Variants in SIN3A observed in about 807,000 individuals in gnomAD.
SIN3A encodes SIN3 transcription regulator family member A.
In SIN3A, 14 loss-of-function variants were observed where a neutral mutation model predicts 146.1. That is an observed-to-expected ratio of 0.10 (90% CI 0.06 to 0.15). The LOEUF is 0.15. SIN3A is among the 10% of genes least tolerant of loss of function. The probability of loss-of-function intolerance (pLI) is 1.00; values close to 1 mark genes in which losing one functional copy is unlikely to be tolerated. For missense variants in SIN3A, 1,028 were observed against 1,576.0 expected (o/e 0.65, Z 5.89); for synonymous variants, 572 against 572.0 (o/e 1.00, Z 0.00).
At chr15:75,389,949 C>T in intron 15 of SIN3A, 128 bp from the exon 16 acceptor site, 1 of 789,670 alleles carries the variant, frequency 1.3e-6, no homozygotes, top group Admixed American at 2.4e-5. Context: ...TCAAAATATA[C>T]TCACTCATTC....
upstream of SIN3A, among the ~76,000 whole-genome samples, chr15:75,454,465 G>C (rs2074458651): frequency 1.3e-5 from 2 of 151,310 alleles, no homozygotes; most frequent in Middle Eastern, 3.4e-3. Context: ...CCCCTGCGCC[G>C]CCTCTCCCGG....
chr15:75,382,908 C>A (rs2073001439), intron 17 of SIN3A, among the ~76,000 whole-genome samples: 1 of 152,128 alleles, frequency 6.6e-6, no homozygotes, highest in Non-Finnish European at 1.5e-5. Context: ...CATGGTGAAA[C>A]CCTGTCTCTA....
chr15:75,385,313 T>G (rs1258887577), intron 16 of SIN3A, among the ~76,000 whole-genome samples: 3 of 152,198 alleles, frequency 2.0e-5, no homozygotes, highest in Non-Finnish European at 2.9e-5. Context: ...GGACTAAAAG[T>G]CAAGGTTCCT....
chr15:75,437,404 C>T (rs747601435), intron 1 of SIN3A, among the ~76,000 whole-genome samples: 1 of 152,098 alleles, frequency 6.6e-6, no homozygotes, highest in Non-Finnish European at 1.5e-5. Flanking sequence ...TGGCCTCAAA[C>T]AATCCTCCTG....
At chr15:75,379,558 G>T (rs2072927105) in intron 19 of SIN3A, among the ~76,000 whole-genome samples, 1 of 152,228 alleles carries the variant, frequency 6.6e-6, no homozygotes, top group Non-Finnish European at 1.5e-5. Context: ...CTGTTTTGTT[G>T]AGAGGAACCT....
rs775133635 is a variant in SIN3A, at chr15:75,411,747, G to C, written c.757-4C>G. On this transcript the variant is annotated splice_region_variant and splice_polypyrimidine_tract_variant and intron_variant, in intron 5 of 20. Transcript: ENST00000394947. ...TATGTGCTTGCAGTTGGGAGGGCTA[G>C]AAAGAAAAGAAATCTTTATTCTCTT... 23 of 1,573,500 alleles carry C rather than the reference G, an allele frequency of 1.5e-5. No individual in the cohort carries two copies. The Admixed American group carries it at 2.3e-4, about 15-fold the overall frequency.
rs749375306 is a variant in SIN3A at position 75,372,220 on chromosome 15, GA to G, written c.3592-12del. On this transcript the variant is annotated splice_polypyrimidine_tract_variant and intron_variant, in intron 20 of 20. Coordinates refer to ENST00000394947, the MANE Select transcript of SIN3A (RefSeq NM_001145358.2). ...TACACGCTCATGGGACTGCAAAACAGAAAAAAAAAATTTTATTAAATGAAGC... is the reference window on the plus strand; with the variant it reads ...TACACGCTCATGGGACTGCAAAACAGAAAAAAAAATTTTATTAAATGAAGC... The G allele has an allele frequency of 3.5e-5, 52 of 1,503,170 alleles. No individual in the cohort carries two copies. The highest frequency in any genetic ancestry group is 1.4e-4 in the South Asian group (11 of 76,766). The allele number at this position is 1,503,170 out of a possible 1,614,324, so 93.1% of individuals were successfully genotyped here.
chr15:75,418,662 G>A (rs771171581), intron 3 of SIN3A, among the ~76,000 whole-genome samples: 2 of 151,926 alleles, frequency 1.3e-5, no homozygotes, highest in African/African-American at 2.4e-5. Flanking sequence ...AACTTCTCCA[G>A]AACTGTGAGA....
intron 2 of SIN3A, among the ~76,000 whole-genome samples, chr15:75,426,610 A>G (rs2073930055): frequency 6.6e-6 from 1 of 152,204 alleles, no homozygotes; most frequent in African/African-American, 2.4e-5. Flanking sequence ...AATAGTATGT[A>G]ATGTATGATC....
chr15:75,441,569 A>C (rs966326730), intron 1 of SIN3A, among the ~76,000 whole-genome samples: 2 of 151,986 alleles, frequency 1.3e-5, no homozygotes, highest in Non-Finnish European at 2.9e-5. Context: ...GCTGGTGTAT[A>C]CCACTACACT....
chr15:75,449,779 G>A (rs2141644071), intron 1 of SIN3A, among the ~76,000 whole-genome samples: 1 of 152,274 alleles, frequency 6.6e-6, no homozygotes, highest in South Asian at 2.1e-4. Flanking sequence ...AGGAAACCAA[G>A]TTTTTTTGGT....
chr15:75,434,419 G>A (rs1426779895), intron 1 of SIN3A, among the ~76,000 whole-genome samples: 13 of 152,160 alleles, frequency 8.5e-5, no homozygotes, highest in Non-Finnish European at 7.3e-5. Flanking sequence ...GGAGGCCGAG[G>A]CAGGCGGATC....
intron 3 of SIN3A, among the ~76,000 whole-genome samples, chr15:75,418,042 AT>A (rs1567380155): frequency 1.3e-5 from 2 of 151,610 alleles, no homozygotes; most frequent in African/African-American, 4.8e-5. Flanking sequence ...TATTATTATT[AT>A]TTTTTTAGAT....
At chr15:75,382,302 G>T (rs1200832363) in intron 17 of SIN3A, among the ~76,000 whole-genome samples, 5 of 152,206 alleles carry the variant, frequency 3.3e-5, no homozygotes, top group Non-Finnish European at 1.5e-5. Context: ...TGCTAGTAAA[G>T]CTTACAACCT....
chr15:75,454,384 G>A (rs1026717727), upstream of SIN3A, among the ~76,000 whole-genome samples: 2 of 152,022 alleles, frequency 1.3e-5, no homozygotes, highest in Non-Finnish European at 2.9e-5. Flanking sequence ...ACAAGCCGCC[G>A]GCGGAGTAGA....
chr15:75,426,153 C>G (rs960363531), intron 2 of SIN3A, among the ~76,000 whole-genome samples: 1 of 152,160 alleles, frequency 6.6e-6, no homozygotes, highest in Non-Finnish European at 1.5e-5. Flanking sequence ...ATGTAGAAAA[C>G]AGTCATTAAC....
intron 3 of SIN3A, among the ~76,000 whole-genome samples, chr15:75,418,027 TTTATTA>T (rs759274162): frequency 1.6e-4 from 25 of 151,894 alleles, no homozygotes; most frequent in African/African-American, 4.8e-4. Context: ...ATTTATTTTA[TTTATTA>T]TTATTATTAT....
rs1240979438 is a variant in SIN3A at position 75,442,393 on chromosome 15, G to A, written c.-34+9030C>T. On this transcript the variant is annotated intron_variant, in intron 1 of 20. Coordinates refer to ENST00000394947, the MANE Select transcript of SIN3A (RefSeq NM_001145358.2). Reference sequence around the variant, plus strand: ...TCACTATGTTGCCCAGGCTGGTCTCGAACGTCTGGGCTCAAGCGATCCTCC... The same window carrying A: ...TCACTATGTTGCCCAGGCTGGTCTCAAACGTCTGGGCTCAAGCGATCCTCC... Among the ~76,000 whole-genome samples, 6 of 149,988 alleles carry A rather than the reference G, an allele frequency of 4.0e-5. 1 individual carries two copies. Among genetic ancestry groups the A allele is most frequent in the Admixed American group, 6.7e-5 (1 of 15,030 alleles).
Position 75,410,257 on chromosome 15 carries a change from T to A in SIN3A, c.1038A>T (p.Gly346=). 6.2e-7 allele frequency: 1 copy of A among 1,613,486 alleles called. No individual in the cohort carries two copies. Among genetic ancestry groups the A allele is most frequent in the Non-Finnish European group, 8.5e-7 (1 of 1,179,870 alleles). Residue 346 remains glycine, a synonymous_variant, in exon 7 of 21, where the codon GGA becomes GGT. Coordinates refer to ENST00000394947, the MANE Select transcript of SIN3A (RefSeq NM_001145358.2). ...QKEQRNAKEA[G]GNYTPALTEQ... ...CTGTCAATGCTGGAGTGTAGTTTCC[T>A]CCAGCTTCCTTGGCATTTCTCTGCT...
Sources: gnomAD v4.1 joint callset for allele counts (sites outside exome capture counted in the v4.1 genomes callset) on GRCh38, gnomAD v4.1.1 for gene constraint, MANE v1.5 for transcripts, NCBI Gene and HGNC (gene_info 2026-07-23, HGNC 2026-07-21) for gene names.